UBASH3B: variants seen among roughly 807,000 people sequenced by gnomAD.
UBASH3B encodes the protein ubiquitin associated and SH3 domain containing B, also known as ubiquitin-associated and SH3 domain-containing protein B.
In UBASH3B, 37 loss-of-function variants were observed where a neutral mutation model predicts 83.4. That is an observed-to-expected ratio of 0.44 (90% CI 0.34 to 0.58). UBASH3B has a LOEUF of 0.58. Among genes scored for constraint, UBASH3B ranks in the 20% least tolerant of loss-of-function variants. The pLI is 0.01. For missense variants in UBASH3B, 657 were observed against 827.2 expected (o/e 0.79, Z 2.52); for synonymous variants, 304 against 318.3 (o/e 0.96, Z 0.48).
rs191284048 is a variant in UBASH3B at position 122,676,237 on chromosome 11, T to G, written c.161+20027T>G. 2.0e-5 allele frequency among the ~76,000 whole-genome samples: 3 copies of G among 151,372 alleles called. No homozygotes were observed. The East Asian group carries it at 5.9e-4, about 30-fold the overall frequency. On this transcript the variant is annotated intron_variant, in intron 1 of 13. Coordinates refer to ENST00000284273, the MANE Select transcript of UBASH3B (RefSeq NM_032873.5). ...GGGCAACAAGGAGAAACCCCGTCTT[T>G]ACTAAAAAAATACAACAACTGGCTG...
intron 1 of UBASH3B, among the ~76,000 whole-genome samples, chr11:122,747,529 G>C (rs555186342): frequency 1.3e-5 from 2 of 152,200 alleles, no homozygotes; most frequent in Non-Finnish European, 2.9e-5. Flanking sequence ...TGTGTCCTTA[G>C]AGAGTTATGA....
chr11:122,721,244 C>CAAAA (rs34298191), intron 1 of UBASH3B, among the ~76,000 whole-genome samples: 107 of 72,994 alleles, frequency 1.5e-3, no homozygotes, highest in Non-Finnish European at 1.9e-3. Flanking sequence ...GACTGTGTCT[C>CAAAA]AAAAAAAAAA....
chr11:122,742,823 C>G (rs556265086), intron 1 of UBASH3B, among the ~76,000 whole-genome samples: 1 of 152,360 alleles, frequency 6.6e-6, no homozygotes, highest in East Asian at 1.9e-4. Context: ...ATGACTTCCC[C>G]TTAACCTTTT....
At chr11:122,771,783 ACACACACT>A (rs1484553706) in intron 1 of UBASH3B, among the ~76,000 whole-genome samples, 1 of 148,648 alleles carries the variant, frequency 6.7e-6, no homozygotes, top group African/African-American at 2.6e-5. Context: ...ACACACACAC[ACACACACT>A]AAAATAATAA....
intron 1 of UBASH3B, among the ~76,000 whole-genome samples, chr11:122,690,925 G>A (rs1391581694): frequency 1.3e-5 from 2 of 152,142 alleles, no homozygotes; most frequent in Non-Finnish European, 2.9e-5. Context: ...CACTGGGCCC[G>A]ATCTTCTCAC....
At chr11:122,686,485 G>A (rs1471948887) in intron 1 of UBASH3B, among the ~76,000 whole-genome samples, 1 of 152,192 alleles carries the variant, frequency 6.6e-6, no homozygotes, top group African/African-American at 2.4e-5. Context: ...TAGATTTATA[G>A]GAAAGGTGGA....
At chr11:122,772,956 A>G (rs544562982) in intron 1 of UBASH3B, among the ~76,000 whole-genome samples, 2 of 152,340 alleles carry the variant, frequency 1.3e-5, no homozygotes, top group South Asian at 4.1e-4. Context: ...AACAATTCAC[A>G]TTTCACCAGT....
intron 1 of UBASH3B, among the ~76,000 whole-genome samples, chr11:122,755,513 G>A (rs945555453): frequency 6.6e-6 from 1 of 152,038 alleles, no homozygotes; most frequent in Non-Finnish European, 1.5e-5. Context: ...GCCTGGCCAG[G>A]TTCAAAAAAG....
chr11:122,677,288 T>C (rs543348491), intron 1 of UBASH3B, among the ~76,000 whole-genome samples: 1 of 152,354 alleles, frequency 6.6e-6, no homozygotes, highest in South Asian at 2.1e-4. Flanking sequence ...TTTCGATATC[T>C]GAGGGAGGTC....
At chr11:122,720,155 C>G (rs529393586) in intron 1 of UBASH3B, among the ~76,000 whole-genome samples, 13 of 152,200 alleles carry the variant, frequency 8.5e-5, no homozygotes, top group Non-Finnish European at 1.6e-4. Context: ...CTCCCATTTT[C>G]CAGACTCCGT....
At chr11:122,712,034 A>ATTT (rs9326263) in intron 1 of UBASH3B, among the ~76,000 whole-genome samples, 1 of 145,588 alleles carries the variant, frequency 6.9e-6, no homozygotes. Context: ...TGCCAGCTGC[A>ATTT]TTTTTTTTTT....
chr11:122,767,653 C>G (rs1366173364), intron 1 of UBASH3B, among the ~76,000 whole-genome samples: 1 of 152,168 alleles, frequency 6.6e-6, no homozygotes, highest in East Asian at 1.9e-4. Context: ...TATCGGTTAA[C>G]TAAGGGACAA....
At chr11:122,801,047 A>G in intron 10 of UBASH3B, 141 bp from the exon 11 acceptor site, 4 of 1,052,596 alleles carry the variant, frequency 3.8e-6, no homozygotes, top group Non-Finnish European at 5.4e-6. Flanking sequence ...ACCTTGTCCA[A>G]ATCCACATGC....
intron 6 of UBASH3B, among the ~76,000 whole-genome samples, chr11:122,792,063 C>G (rs1187666825): frequency 6.6e-6 from 1 of 152,184 alleles, no homozygotes; most frequent in Non-Finnish European, 1.5e-5. Flanking sequence ...CTTACTGGAA[C>G]TGGCAGCTCC....
intron 1 of UBASH3B, among the ~76,000 whole-genome samples, chr11:122,768,334 T>C (rs973701994): frequency 6.6e-6 from 1 of 152,160 alleles, no homozygotes; most frequent in African/African-American, 2.4e-5. Context: ...AGAAATGCTG[T>C]GTCCGTGAGG....
intron 1 of UBASH3B, among the ~76,000 whole-genome samples, chr11:122,736,510 AG>A (rs1450937280): frequency 6.6e-6 from 1 of 152,050 alleles, no homozygotes; most frequent in Non-Finnish European, 1.5e-5. Flanking sequence ...AAAAAGGGCT[AG>A]GGGAACACAG....
At chr11:122,768,741 G>C (rs1860595328) in intron 1 of UBASH3B, among the ~76,000 whole-genome samples, 1 of 152,076 alleles carries the variant, frequency 6.6e-6, no homozygotes, top group Non-Finnish European at 1.5e-5. Flanking sequence ...CCTGATCTCA[G>C]TGATCCACCT....
chr11:122,709,893 G>A (rs1023395342), intron 1 of UBASH3B, among the ~76,000 whole-genome samples: 6 of 151,968 alleles, frequency 3.9e-5, no homozygotes, highest in Admixed American at 1.3e-4. Flanking sequence ...GCTGTGGGTC[G>A]CGCCTGTAAT....
At chr11:122,678,433 A>G (rs992594315) in intron 1 of UBASH3B, among the ~76,000 whole-genome samples, 2 of 152,200 alleles carry the variant, frequency 1.3e-5, no homozygotes, top group Admixed American at 6.5e-5. Flanking sequence ...CAGATGTCCA[A>G]TAAGAAAATA....
Sources: gnomAD v4.1 joint callset for allele counts (sites outside exome capture counted in the v4.1 genomes callset) on GRCh38, gnomAD v4.1.1 for gene constraint, MANE v1.5 for transcripts, NCBI Gene and HGNC (gene_info 2026-07-23, HGNC 2026-07-21) for gene names.